SLIT3: variants seen among roughly 807,000 people sequenced by gnomAD.
The protein encoded by SLIT3 is slit homolog 3 protein.
Under a neutral mutation model 184.0 loss-of-function variants are expected in SLIT3, and 68 were observed. That is an observed-to-expected ratio of 0.37 (90% CI 0.30 to 0.45). The LOEUF is 0.45. SLIT3 is among the 20% of genes least tolerant of loss of function. The pLI, the probability that SLIT3 is intolerant of heterozygous loss-of-function variation, is 1.00. For synonymous variants in SLIT3, 831 were observed against 828.6 expected (o/e 1.00, Z -0.05); for missense variants, 1,707 against 2,026.0 (o/e 0.84, Z 3.02).
At chr5:169,124,084 ACTT>A (rs1264721969) in intron 4 of SLIT3, among the ~76,000 whole-genome samples, 2 of 152,008 alleles carry the variant, frequency 1.3e-5, no homozygotes, top group Non-Finnish European at 2.9e-5. Flanking sequence ...GCTCCTTCTG[ACTT>A]CTTTTTACTT....
At chr5:169,096,618 C>G (rs868284826) in intron 4 of SLIT3, among the ~76,000 whole-genome samples, 6 of 152,176 alleles carry the variant, frequency 3.9e-5, no homozygotes, top group Non-Finnish European at 7.3e-5. Flanking sequence ...TTAGAGTATA[C>G]CTTCCAACAA....
At chr5:168,862,678 G>GTT (rs543314671) in intron 5 of SLIT3, among the ~76,000 whole-genome samples, 2,938 of 141,290 alleles carry the variant, frequency 0.021, 38 homozygotes, top group East Asian at 0.054. Flanking sequence ...TTTGTTTGTT[G>GTT]TTTTTTTTTT....
chr5:168,715,362 G>T (rs538948546), intron 23 of SLIT3, among the ~76,000 whole-genome samples: 7 of 152,326 alleles, frequency 4.6e-5, no homozygotes, highest in Admixed American at 6.5e-5. Flanking sequence ...TCTACTGGGG[G>T]TTACCCCTCC....
rs76448580 is a variant in SLIT3, at chr5:169,199,612, G to A, written c.342-6062C>T. ...TACCTCATTTAATCTCCATGGAAAC[G>A]TTTGGAGGCCAGTGCTCTTAGCATC... On this transcript the variant is annotated intron_variant, in intron 3 of 35. Transcript: ENST00000519560. Among the ~76,000 whole-genome samples, 1,021 of 152,216 alleles carry A rather than the reference G, an allele frequency of 6.7e-3. 58 individuals carry two copies. The East Asian group carries it at 0.15, about 22-fold the overall frequency.
At chr5:168,854,881 G>A (rs1395666933) in intron 5 of SLIT3, among the ~76,000 whole-genome samples, 1 of 152,176 alleles carries the variant, frequency 6.6e-6, no homozygotes, top group Non-Finnish European at 1.5e-5. Context: ...TCAGTGTTCG[G>A]GGGATATCAA....
intron 4 of SLIT3, among the ~76,000 whole-genome samples, chr5:169,055,214 A>G (rs1757953345): frequency 6.6e-6 from 1 of 152,220 alleles, no homozygotes; most frequent in African/African-American, 2.4e-5. Flanking sequence ...TCTAGGTACC[A>G]TTGATATAGC....
intron 4 of SLIT3, among the ~76,000 whole-genome samples, chr5:169,073,592 T>A (rs1253291627): frequency 1.3e-5 from 2 of 152,046 alleles, no homozygotes; most frequent in Non-Finnish European, 2.9e-5. Flanking sequence ...TGGGGCCTAG[T>A]GGGAGGCGTT....
At chr5:169,036,084 T>A (rs1320421688) in intron 4 of SLIT3, 1 of 152,260 alleles carries the variant, frequency 6.6e-6, no homozygotes, top group Non-Finnish European at 1.5e-5. Flanking sequence ...CTTTCAAATA[T>A]GTTTTTTCTC....
chr5:168,815,275 C>A (rs976503351), intron 8 of SLIT3, among the ~76,000 whole-genome samples: 7 of 152,156 alleles, frequency 4.6e-5, no homozygotes, highest in Non-Finnish European at 7.3e-5. Context: ...GGAGGGTCAG[C>A]CTTTCTCCCC....
intron 4 of SLIT3, among the ~76,000 whole-genome samples, chr5:169,179,688 A>ATG (rs1554104766): frequency 4.9e-4 from 74 of 151,580 alleles, no homozygotes; most frequent in African/African-American, 1.0e-3. Flanking sequence ...GCATGAGCAT[A>ATG]TGTGTGTGTG....
chr5:168,859,027 T>C (rs1041510637), intron 5 of SLIT3, among the ~76,000 whole-genome samples: 1 of 152,196 alleles, frequency 6.6e-6, no homozygotes. Flanking sequence ...TCTCTAGGAC[T>C]TCAAAGCAGA....
At chr5:169,230,213 A>T (rs905410126) in intron 3 of SLIT3, among the ~76,000 whole-genome samples, 1 of 152,220 alleles carries the variant, frequency 6.6e-6, no homozygotes, top group Non-Finnish European at 1.5e-5. Context: ...GATTAACCCC[A>T]TTTAACAGAT....
intron 4 of SLIT3, among the ~76,000 whole-genome samples, chr5:168,930,734 A>G (rs775556326): frequency 1.3e-4 from 19 of 151,952 alleles, no homozygotes; most frequent in South Asian, 4.2e-4. Flanking sequence ...AGCGCTTGGC[A>G]GCTGACACCT....
intron 4 of SLIT3, among the ~76,000 whole-genome samples, chr5:169,170,275 C>T (rs1360971560): frequency 2.0e-5 from 3 of 152,092 alleles, no homozygotes; most frequent in African/African-American, 4.8e-5. Flanking sequence ...GATGTTGGTC[C>T]CATCTACTTC....
chr5:169,216,049 G>A (rs1764424443), intron 3 of SLIT3, among the ~76,000 whole-genome samples: 1 of 152,094 alleles, frequency 6.6e-6, no homozygotes, highest in Non-Finnish European at 1.5e-5. Context: ...TTAAAGACAG[G>A]GCTGTGCCTT....
chr5:168,790,334 G>A (rs72827646), intron 10 of SLIT3: 3,571 of 152,376 alleles, frequency 0.023, 66 homozygotes, highest in Non-Finnish European at 0.035. Flanking sequence ...GAGCAAGAGG[G>A]ATGCTGTGGG....
intron 1 of SLIT3, among the ~76,000 whole-genome samples, chr5:169,296,738 T>C (rs542844588): frequency 6.6e-6 from 1 of 152,354 alleles, no homozygotes; most frequent in East Asian, 1.9e-4. Flanking sequence ...TGGAGAAAAT[T>C]AAGTTACCAC....
intron 1 of SLIT3, among the ~76,000 whole-genome samples, chr5:169,273,254 C>T (rs1208021671): frequency 6.6e-6 from 1 of 152,208 alleles, no homozygotes; most frequent in Non-Finnish European, 1.5e-5. Flanking sequence ...GAGGCAGGCA[C>T]CCTTGATGCT....
chr5:168,989,643 A>G (rs1755249975), intron 4 of SLIT3, among the ~76,000 whole-genome samples: 1 of 152,240 alleles, frequency 6.6e-6, no homozygotes, highest in African/African-American at 2.4e-5. Flanking sequence ...TGGAAAATGC[A>G]GGCACAAACT....
Sources: gnomAD v4.1 joint callset for allele counts (sites outside exome capture counted in the v4.1 genomes callset) on GRCh38, gnomAD v4.1.1 for gene constraint, MANE v1.5 for transcripts, NCBI Gene and HGNC (gene_info 2026-07-23, HGNC 2026-07-21) for gene names.